Variants in MEGF11 observed in about 807,000 individuals in gnomAD.
MEGF11 encodes multiple EGF like domains 11.
Under a neutral mutation model 146.6 loss-of-function variants are expected in MEGF11, and 126 were observed. The ratio of observed to expected loss-of-function variants is 0.86; its 90% CI spans 0.74 to 1.00. MEGF11 has a LOEUF of 1.00. Ranked by LOEUF, MEGF11 falls within the 50% of genes least tolerant of loss-of-function variation. The pLI, the probability that MEGF11 is intolerant of heterozygous loss-of-function variation, is 0.00. For missense variants in MEGF11, 1,509 were observed against 1,521.2 expected, an observed-to-expected ratio of 0.99 and a Z score of 0.13; for synonymous variants, 532 against 583.4, an observed-to-expected ratio of 0.91 and a Z score of 1.27.
intron 5 of MEGF11, among the ~76,000 whole-genome samples, chr15:66,078,463 G>A (rs1217880349): frequency 1.3e-5 from 2 of 152,256 alleles, no homozygotes; most frequent in Non-Finnish European, 2.9e-5. Context: ...AGGAAAGGAG[G>A]TCTGCGGTGG....
intron 10 of MEGF11, among the ~76,000 whole-genome samples, chr15:65,949,975 C>A (rs2080336660): frequency 6.6e-6 from 1 of 152,062 alleles, no homozygotes; most frequent in South Asian, 2.1e-4. Context: ...ACCCAGGAGC[C>A]CTTCGCAACC....
At chr15:65,922,781 A>AT (rs779822578) in intron 14 of MEGF11, 42 bp downstream of exon 14, 4 of 1,605,642 alleles carry the variant, frequency 2.5e-6, no homozygotes, top group Non-Finnish European at 3.4e-6. Flanking sequence ...GCTAGGGAGG[A>AT]TTAGCCCTCT....
chr15:66,107,394 T>C (rs958714520), intron 4 of MEGF11, among the ~76,000 whole-genome samples: 1 of 152,112 alleles, frequency 6.6e-6, no homozygotes, highest in Admixed American at 6.5e-5. Flanking sequence ...CAAAAGCCCA[T>C]TAGTGGCCAG....
chr15:65,909,114 G>A lies in MEGF11; in HGVS notation c.2918C>T (p.Ala973Val). 1 of 1,534,998 alleles carries A rather than the reference G, an allele frequency of 6.5e-7. No homozygotes were observed. Among genetic ancestry groups the A allele is most frequent in the Non-Finnish European group, 8.7e-7 (1 of 1,145,962 alleles). Reference protein sequence around the residue: ...NVLDSHFQISALEARYPPEDF... With the variant: ...NVLDSHFQISVLEARYPPEDF... The stretch of plus-strand genomic sequence containing the variant: ...CTCGGGCGGGTACCTGGCCTCCAGG[G>A]CACTGATCTGGAAATGGGAGTCTAG... Residue 973 changes from alanine (A) to valine (V), a missense_variant, in exon 23 of 26, where the codon GCC becomes GTC. Coordinates refer to ENST00000395614, the MANE Select transcript of MEGF11 (RefSeq NM_001385028.1).
intron 1 of MEGF11, among the ~76,000 whole-genome samples, chr15:66,228,923 C>T (rs958457062): frequency 6.6e-6 from 1 of 152,110 alleles, no homozygotes; most frequent in Non-Finnish European, 1.5e-5. Context: ...ACTCCTGTCA[C>T]AGGCAGTCCT....
intron 4 of MEGF11, among the ~76,000 whole-genome samples, chr15:66,097,872 A>T (rs1161808661): frequency 1.3e-5 from 2 of 152,094 alleles, no homozygotes; most frequent in East Asian, 3.9e-4. Flanking sequence ...GGGTAAGATG[A>T]GTAAGATCCA....
At chr15:65,929,671 C>A (rs575938823) in intron 12 of MEGF11, 49 bp downstream of exon 12, 2 of 1,527,774 alleles carry the variant, frequency 1.3e-6, no homozygotes, top group Admixed American at 2.0e-5. Flanking sequence ...AGGGAAAGGG[C>A]GTGAGGGGAT....
chr15:65,899,131 CTT>C (rs1567145966), intron 24 of MEGF11, among the ~76,000 whole-genome samples, 197 bp from the exon 25 acceptor site: 1 of 152,172 alleles, frequency 6.6e-6, no homozygotes, highest in Non-Finnish European at 1.5e-5. Context: ...TCCAAAGAAA[CTT>C]ATGTTTTTGG....
chr15:66,013,222 C>T (rs2082765483), intron 5 of MEGF11, among the ~76,000 whole-genome samples: 1 of 152,280 alleles, frequency 6.6e-6, no homozygotes, highest in Non-Finnish European at 1.5e-5. Context: ...CTCTGGCCTC[C>T]ATCGTCAGTC....
chr15:66,054,813 A>T (rs1420269260), intron 5 of MEGF11, among the ~76,000 whole-genome samples: 2 of 152,182 alleles, frequency 1.3e-5, no homozygotes, highest in African/African-American at 4.8e-5. Flanking sequence ...AGGCAGGGTT[A>T]TGAGGGTGGT....
chr15:66,202,826 GC>G (rs1191607717), intron 1 of MEGF11, among the ~76,000 whole-genome samples: 1 of 152,154 alleles, frequency 6.6e-6, no homozygotes, highest in Non-Finnish European at 1.5e-5. Context: ...CGATGGTCTG[GC>G]CCATTTGGCA....
At chr15:65,908,724 T>G (rs2078704067) in intron 23 of MEGF11, among the ~76,000 whole-genome samples, 1 of 152,222 alleles carries the variant, frequency 6.6e-6, no homozygotes, top group African/African-American at 2.4e-5. Flanking sequence ...CCAAGTCATT[T>G]TTGAAAGGTG....
In MEGF11 at chr15:66,038,661, G is replaced by A. The variant is rs180847919; in HGVS notation, c.394+55741C>T. 5.9e-5 allele frequency among the ~76,000 whole-genome samples: 9 copies of A among 152,266 alleles called. No individual in the cohort carries two copies. In the East Asian group the frequency reaches 1.7e-3, roughly 29 times the overall value. On this transcript the variant is annotated intron_variant, in intron 5 of 25. Transcript: ENST00000395614. ...GGCAAGCTAAGTCCCCATTGCTTCAGTTACAACTACTAGCAGCCCAAGGTC... is the reference window on the plus strand; with the variant it reads ...GGCAAGCTAAGTCCCCATTGCTTCAATTACAACTACTAGCAGCCCAAGGTC...
intron 1 of MEGF11, among the ~76,000 whole-genome samples, chr15:66,193,736 C>A (rs914961029): frequency 1.3e-5 from 2 of 151,614 alleles, no homozygotes; most frequent in African/African-American, 4.8e-5. Context: ...CCACATATAC[C>A]AAGGGAAGGC....
At chr15:66,027,666 A>T (rs1287784570) in intron 5 of MEGF11, among the ~76,000 whole-genome samples, 1 of 152,070 alleles carries the variant, frequency 6.6e-6, no homozygotes, top group African/African-American at 2.4e-5. Flanking sequence ...TTGATGATTC[A>T]GATTGCACAA....
intron 1 of MEGF11, among the ~76,000 whole-genome samples, chr15:66,148,779 G>A (rs534756260): frequency 6.6e-5 from 10 of 152,280 alleles, no homozygotes; most frequent in Middle Eastern, 3.4e-3. Flanking sequence ...GTCCCTGGTC[G>A]TCTTCCCTTC....
At chr15:65,903,837 ACAT>A (rs2078554326) in intron 24 of MEGF11, among the ~76,000 whole-genome samples, 1 of 152,190 alleles carries the variant, frequency 6.6e-6, no homozygotes, top group Admixed American at 6.5e-5. Flanking sequence ...CTGAACTGTG[ACAT>A]CATATTTTCC....
rs149677827 is a variant in MEGF11 at position 65,978,403 on chromosome 15, A to G, written c.762+2375T>C. On this transcript the variant is annotated intron_variant, in intron 7 of 25. Coordinates refer to ENST00000395614, the MANE Select transcript of MEGF11 (RefSeq NM_001385028.1). The stretch of plus-strand genomic sequence containing the variant: ...ATGCTATGTCAAAAATAGAAATTCA[A>G]TTGTCTACAATAAAATTAAAAACAT... Among the ~76,000 whole-genome samples the G allele has an allele frequency of 1.6e-4, 24 of 152,290 alleles. No individual in the cohort carries two copies. The East Asian group carries it at 2.7e-3, about 17-fold the overall frequency.
intron 5 of MEGF11, among the ~76,000 whole-genome samples, chr15:66,034,533 G>T (rs333588): frequency 4.6e-5 from 7 of 151,990 alleles, no homozygotes; most frequent in African/African-American, 1.5e-4. Flanking sequence ...GATCCTCCCC[G>T]CTCAGCCTCC....
Sources: gnomAD v4.1 joint callset for allele counts (sites outside exome capture counted in the v4.1 genomes callset) on GRCh38, gnomAD v4.1.1 for gene constraint, MANE v1.5 for transcripts, NCBI Gene and HGNC (gene_info 2026-07-23, HGNC 2026-07-21) for gene names.